DTNBP1: variants seen among roughly 807,000 people sequenced by gnomAD.
DTNBP1 encodes dystrobrevin binding protein 1.
A neutral mutation model predicts 42.8 loss-of-function variants in DTNBP1; 35 were observed. That is an observed-to-expected ratio of 0.82 (90% confidence interval 0.63 to 1.09). The LOEUF is 1.09. Among genes scored for constraint, DTNBP1 ranks in the 50% least tolerant of loss-of-function variants. DTNBP1 has a pLI of 0.00. For synonymous variants in DTNBP1, 171 were observed against 162.2 expected, an observed-to-expected ratio of 1.05 and a Z score of -0.41; for missense variants, 457 against 424.2, an observed-to-expected ratio of 1.08 and a Z score of -0.68.
In DTNBP1 at chr6:15,583,865, C is replaced by CTAA. The variant is rs1775941101; in HGVS notation, c.511+9191_511+9193dup. On this transcript the variant is annotated intron_variant, in intron 7 of 9. Coordinates refer to ENST00000344537, the MANE Select transcript of DTNBP1 (RefSeq NM_032122.5). ...AAAGTAACATTTAAGCATCACAACC[C>CTAA]TAATCTTGATGCTCTATTTTTATGT... is the stretch of plus-strand genomic sequence containing the variant. 2.0e-5 allele frequency among the ~76,000 whole-genome samples: 3 copies of CTAA among 152,246 alleles called. No homozygotes were observed. In the South Asian group the frequency reaches 6.2e-4, roughly 32 times the overall value.
chr6:15,558,530 G>C (rs1005275150), intron 7 of DTNBP1, among the ~76,000 whole-genome samples: 4 of 152,104 alleles, frequency 2.6e-5, no homozygotes, highest in Admixed American at 1.3e-4. Context: ...GCCTCCCAAA[G>C]TGCTGGGATT....
intron 4 of DTNBP1, among the ~76,000 whole-genome samples, chr6:15,630,496 G>C (rs1759630719): frequency 6.6e-6 from 1 of 152,142 alleles, no homozygotes; most frequent in Non-Finnish European, 1.5e-5. Flanking sequence ...AATAACAGGA[G>C]AGGCAAAACA....
chr6:15,620,533 C>T (rs759029356), intron 5 of DTNBP1, among the ~76,000 whole-genome samples: 12 of 152,150 alleles, frequency 7.9e-5, no homozygotes, highest in Non-Finnish European at 1.8e-4. Flanking sequence ...CTAGGAGATT[C>T]AGCTTGGGAG....
At chr6:15,613,160 T>A (rs984325838) in intron 6 of DTNBP1, among the ~76,000 whole-genome samples, 1 of 151,458 alleles carries the variant, frequency 6.6e-6, no homozygotes, top group Non-Finnish European at 1.5e-5. Flanking sequence ...ATAAAAAAAA[T>A]TTGCTGGGCG....
At chr6:15,594,607 A>G (rs543354223) in intron 6 of DTNBP1, among the ~76,000 whole-genome samples, 4 of 152,284 alleles carry the variant, frequency 2.6e-5, no homozygotes, top group African/African-American at 9.6e-5. Context: ...ATACCCCGAT[A>G]ATAAAAACCA....
chr6:15,616,138 G>A (rs1758700327), intron 5 of DTNBP1, among the ~76,000 whole-genome samples: 1 of 152,234 alleles, frequency 6.6e-6, no homozygotes, highest in Non-Finnish European at 1.5e-5. Flanking sequence ...GGGCCACACG[G>A]CCAGTGAAGG....
chr6:15,560,674 TTG>T (rs1341227713), intron 7 of DTNBP1, among the ~76,000 whole-genome samples: 2 of 152,076 alleles, frequency 1.3e-5, no homozygotes, highest in East Asian at 1.9e-4. Context: ...GCCTCATGCC[TTG>T]TCTACACAGT....
chr6:15,647,033 G>A (rs1441347695), intron 3 of DTNBP1, among the ~76,000 whole-genome samples: 1 of 151,968 alleles, frequency 6.6e-6, no homozygotes. Flanking sequence ...AAGAGCTTCT[G>A]CGTAGCAAAA....
chr6:15,662,901 C>T lies in DTNBP1; in HGVS notation c.-32G>A. 1 of 1,601,650 alleles carries T rather than the reference C, an allele frequency of 6.2e-7. No individual in the cohort carries two copies. The highest frequency in any genetic ancestry group is 8.5e-7 in the Non-Finnish European group (1 of 1,179,160). ...CGCCGCCGGTCTCCTCTCCTCAGGCCTCGGGCTGCTGCTGCCTCTGTCGCC... is the reference window on the plus strand; with the variant it reads ...CGCCGCCGGTCTCCTCTCCTCAGGCTTCGGGCTGCTGCTGCCTCTGTCGCC... On this transcript the variant is annotated 5_prime_UTR_variant, in exon 1 of 10. Transcript: ENST00000344537.
chr6:15,655,354 G>C (rs1761221671), intron 1 of DTNBP1, among the ~76,000 whole-genome samples: 2 of 152,048 alleles, frequency 1.3e-5, no homozygotes, highest in African/African-American at 4.8e-5. Context: ...TGAACTCATG[G>C]GCTCAAGCTA....
At chr6:15,645,493 A>C (rs975861470) in intron 3 of DTNBP1, among the ~76,000 whole-genome samples, 3 of 152,040 alleles carry the variant, frequency 2.0e-5, no homozygotes, top group Non-Finnish European at 4.4e-5. Flanking sequence ...AAAAAAAGAA[A>C]ACTACAGGTC....
chr6:15,525,128 G>A (rs557502770), intron 8 of DTNBP1, among the ~76,000 whole-genome samples: 6 of 152,242 alleles, frequency 3.9e-5, no homozygotes, highest in East Asian at 3.9e-4. Context: ...AACATTTCTC[G>A]GGCCTAACGG....
intron 7 of DTNBP1, among the ~76,000 whole-genome samples, chr6:15,549,974 G>T (rs896891759): frequency 6.6e-6 from 1 of 152,172 alleles, no homozygotes; most frequent in Non-Finnish European, 1.5e-5. Context: ...GCTAGATCCT[G>T]ACTACGCCAA....
chr6:15,537,686 C>T (rs1047245107), intron 7 of DTNBP1, among the ~76,000 whole-genome samples: 2 of 152,144 alleles, frequency 1.3e-5, no homozygotes, highest in Non-Finnish European at 1.5e-5. Flanking sequence ...CTAGTCCTCA[C>T]GAGATCTGAC....
At chr6:15,585,159 A>T (rs944570469) in intron 7 of DTNBP1, among the ~76,000 whole-genome samples, 1 of 147,684 alleles carries the variant, frequency 6.8e-6, no homozygotes, top group Non-Finnish European at 1.5e-5. Context: ...CCATATTGAA[A>T]ATCAGCCATT....
At chr6:15,578,738 G>A (rs1271277578) in intron 7 of DTNBP1, among the ~76,000 whole-genome samples, 1 of 152,158 alleles carries the variant, frequency 6.6e-6, no homozygotes, top group Non-Finnish European at 1.5e-5. Context: ...CTTCCATGCA[G>A]AAAAGCAATG....
rs1489206360 is a variant in DTNBP1, at chr6:15,662,847, C to T, written c.23G>A (p.Arg8Gln). 6.2e-7 allele frequency: 1 copy of T among 1,609,334 alleles called. No individual in the cohort carries two copies. The highest frequency in any genetic ancestry group is 1.3e-5 in the African/African-American group (1 of 75,002). The change falls in exon 1 of 10, where the codon CGG (arginine) becomes CAG (glutamine). Residue 8 changes from arginine (R) to glutamine (Q), a missense_variant. By Grantham distance (43) the Arg-to-Gln change is conservative. Transcript: ENST00000344537. The part of the protein sequence containing the change: MLETLRE[R>Q]LLSVQQDFTS... ...GAAATCCTGCTGCACGCTCAGCAGC[C>T]GCTCGCGAAGGGTCTCCAGCATTGC...
chr6:15,615,109 G>T, intron 6 of DTNBP1, 158 bp downstream of exon 6: 1 of 1,036,558 alleles, frequency 9.6e-7, no homozygotes, highest in Non-Finnish European at 1.5e-6. Context: ...GATGGCAACA[G>T]ACAGTGGTTT....
chr6:15,625,042 C>G (rs1175339064), intron 5 of DTNBP1, among the ~76,000 whole-genome samples: 1 of 152,140 alleles, frequency 6.6e-6, no homozygotes, highest in Non-Finnish European at 1.5e-5. Flanking sequence ...AGCTAAAAGC[C>G]TCATGATTTT....
Sources: gnomAD v4.1 joint callset for allele counts (sites outside exome capture counted in the v4.1 genomes callset) on GRCh38, gnomAD v4.1.1 for gene constraint, MANE v1.5 for transcripts, NCBI Gene and HGNC (gene_info 2026-07-23, HGNC 2026-07-21) for gene names.